The following UMPS variants were observed in gnomAD, a reference collection of about 807,000 sequenced individuals.
UMPS encodes the protein uridine monophosphate synthetase.
Under a neutral mutation model 38.9 loss-of-function variants are expected in UMPS, and 21 were observed. The observed-to-expected ratio is 0.54, with a 90% confidence interval of 0.38 to 0.78. The LOEUF (loss-of-function observed/expected upper bound fraction) is 0.78. Among genes scored for constraint, UMPS ranks in the 30% least tolerant of loss-of-function variants. UMPS has a pLI of 0.00. For synonymous variants in UMPS, 208 were observed against 219.3 expected (o/e 0.95, Z 0.45); for missense variants, 533 against 591.6 (o/e 0.90, Z 1.03).
chr3:124,732,854 A>G lies in UMPS; in HGVS notation c.156+2227A>G, dbSNP rs566697385. On this transcript the variant is annotated intron_variant, in intron 1 of 5. Transcript: ENST00000232607. Reference sequence around the variant, plus strand: ...ACTTCTCACCATCCAGAATCTTGCTATGGTGTATCTTAGCAATGTGGAGAA... The same window carrying G: ...ACTTCTCACCATCCAGAATCTTGCTGTGGTGTATCTTAGCAATGTGGAGAA... 1.6e-3 allele frequency among the ~76,000 whole-genome samples: 236 copies of G among 152,246 alleles called. 4 individuals carry two copies. The highest frequency in any genetic ancestry group is 0.014 in the Middle Eastern group (4 of 294).
At chr3:124,742,530 T>C (rs2063564139) in intron 5 of UMPS, 1 of 492,600 alleles carries the variant, frequency 2.0e-6, no homozygotes, top group Non-Finnish European at 3.6e-6. Flanking sequence ...TGTAGAATAT[T>C]TAACACAATG....
chr3:124,735,110 C>A lies in UMPS; in HGVS notation c.174C>A (p.Phe58Leu). Reference protein sequence around the residue: ...RLLSQVADILFQTAQNAGISF... With the variant: ...RLLSQVADILLQTAQNAGISF... ...TCTTACAGGTTGCAGATATTTTATT[C>A]CAAACTGCCCAAAATGCAGGCATCA... Residue 58 changes from phenylalanine (F) to leucine (L), a missense_variant, in exon 2 of 6, where the codon TTC becomes TTA. Physicochemically the swap from Phe to Leu is conservative, Grantham distance 22. Coordinates refer to ENST00000232607, the MANE Select transcript of UMPS (RefSeq NM_000373.4). The A allele has an allele frequency of 1.2e-6, 2 of 1,613,788 alleles. No homozygotes were observed. The highest frequency in any genetic ancestry group is 1.7e-6 in the Non-Finnish European group (2 of 1,179,810).
rs1431147371 is a variant in UMPS, at chr3:124,747,273, C to G, written c.*3189C>G. The G allele has an allele frequency of 2.2e-6, 1 of 454,438 alleles. No homozygotes were observed. Among genetic ancestry groups the G allele is most frequent in the South Asian group, 1.5e-5 (1 of 65,188 alleles). The allele number at this position is 454,438 out of a possible 1,614,324, so 28.2% of individuals were successfully genotyped here. ...GCCCGACAGCAGAGCCCACACCACTCCAGTTGCAGTGGTTGCCATCTGGGT... is the reference window on the plus strand; with the variant it reads ...GCCCGACAGCAGAGCCCACACCACTGCAGTTGCAGTGGTTGCCATCTGGGT... On this transcript the variant is annotated 3_prime_UTR_variant, in exon 6 of 6. Coordinates refer to ENST00000232607, the MANE Select transcript of UMPS (RefSeq NM_000373.4).
chr3:124,747,013 TTTTG>T lies in UMPS; in HGVS notation c.*2938_*2941del, dbSNP rs10631393. The T allele has an allele frequency of 4.4e-6, 2 of 453,466 alleles. No homozygotes were observed. The highest frequency in any genetic ancestry group is 8.8e-6 in the Non-Finnish European group (2 of 226,710). The allele number at this position is 453,466 out of a possible 1,614,324, so 28.1% of individuals were successfully genotyped here. A position where few individuals can be genotyped will look rare whatever the true frequency, so the allele number is the denominator to read the frequency against. On this transcript the variant is annotated 3_prime_UTR_variant, in exon 6 of 6. Coordinates refer to ENST00000232607, the MANE Select transcript of UMPS (RefSeq NM_000373.4). ...GGCCGAGGGCTGGTTTTTTGTTTTG[TTTTG>T]TTTGTTTGATACAGGGTCTTCACTC...
intron 3 of UMPS, 27 bp from the exon 4 acceptor site, chr3:124,739,997 A>G: frequency 1.9e-6 from 3 of 1,613,280 alleles, no homozygotes; most frequent in Middle Eastern, 1.7e-4. Flanking sequence ...AAAATCAGCA[A>G]ATATCTTTTT....
chr3:124,745,820 G>A lies in UMPS; in HGVS notation c.*1736G>A, dbSNP rs1253233639. The A allele has an allele frequency of 2.2e-6, 1 of 454,096 alleles. No individual in the cohort carries two copies. Among genetic ancestry groups the A allele is most frequent in the Non-Finnish European group, 4.4e-6 (1 of 226,792 alleles). 28.1% of individuals were successfully genotyped at this position (454,096 alleles called of 1,614,324 possible). The stretch of plus-strand genomic sequence containing the variant: ...TGTTGAGAGGCCTTTGGAGTGATGT[G>A]CTGAGGTCTCAGGCGCCCACCTCCC... On this transcript the variant is annotated 3_prime_UTR_variant, in exon 6 of 6. Transcript: ENST00000232607.
chr3:124,742,889 A>G (rs1275712151), intron 5 of UMPS, among the ~76,000 whole-genome samples: 2 of 152,116 alleles, frequency 1.3e-5, no homozygotes, highest in South Asian at 4.1e-4. Flanking sequence ...TTTTTTTGAT[A>G]TTGAACCTTT....
chr3:124,744,074 T>G lies in UMPS; in HGVS notation c.1433T>G (p.Leu478Arg). 2.5e-6 allele frequency: 4 copies of G among 1,614,048 alleles called. No individual in the cohort carries two copies. The highest frequency in any genetic ancestry group is 3.4e-6 in the Non-Finnish European group (4 of 1,179,954). Residue 478 changes from leucine to arginine, a missense_variant, in exon 6 of 6, where the codon CTT becomes CGT. Transcript: ENST00000232607. The stretch of plus-strand genomic sequence containing the variant: ...GCTTGGGAAGCGTATTTGAGTAGAC[T>G]TGGTGTTTGAGTGCTTCAGATACAT... ...KAAWEAYLSR[L>R]GV
At chr3:124,735,717 C>T (rs975443129) in intron 2 of UMPS, among the ~76,000 whole-genome samples, 3 of 152,256 alleles carry the variant, frequency 2.0e-5, no homozygotes, top group Admixed American at 6.5e-5. Context: ...TGGCTCACGC[C>T]TGTAATCCCA....
chr3:124,730,898 C>T (rs1481741737), intron 1 of UMPS, among the ~76,000 whole-genome samples: 1 of 152,182 alleles, frequency 6.6e-6, no homozygotes, highest in Non-Finnish European at 1.5e-5. Flanking sequence ...CACTGAAGCA[C>T]ACTTGAATGA....
In UMPS at chr3:124,744,639, G is replaced by A. The variant is rs746774355; in HGVS notation, c.*555G>A. On this transcript the variant is annotated 3_prime_UTR_variant, in exon 6 of 6. Transcript: ENST00000232607. ...TACCCAGGCTGGTCTCAACTCCTGG[G>A]CTCAAGCGATCCTCCTGCCTCAGTC... The A allele has an allele frequency of 4.0e-5, 18 of 453,828 alleles. No homozygotes were observed. The highest frequency in any genetic ancestry group is 2.8e-4 in the South Asian group (18 of 64,450). The allele number at this position is 453,828 out of a possible 1,614,324, so 28.1% of individuals were successfully genotyped here. A position where few individuals can be genotyped will look rare whatever the true frequency, so the allele number is the denominator to read the frequency against.
chr3:124,748,056 T>C lies in UMPS; in HGVS notation c.*3972T>C, dbSNP rs773176247. On this transcript the variant is annotated 3_prime_UTR_variant, in exon 6 of 6. Transcript: ENST00000232607. ...GAGAAAAATCAGGACTTGTTGGAGT[T>C]ATATTTTTAAAATATATATTTTAAC... 5.1e-5 allele frequency: 21 copies of C among 408,946 alleles called. 1 individual carries two copies. The highest frequency in any genetic ancestry group is 4.0e-4 in the South Asian group (21 of 52,222). 25.3% of individuals were successfully genotyped at this position (408,946 alleles called of 1,614,324 possible). A position where few individuals can be genotyped will look rare whatever the true frequency, so the allele number is the denominator to read the frequency against.
In UMPS at chr3:124,731,196, C is replaced by A. The variant is rs1388930967; in HGVS notation, c.156+569C>A. On this transcript the variant is annotated intron_variant, in intron 1 of 5. Coordinates refer to ENST00000232607, the MANE Select transcript of UMPS (RefSeq NM_000373.4). ...ACTCCAGCCTGGGCGACAAGTGAGACCCTGCCCTCAAAAAACAAACAAATA... is the reference window on the plus strand; with the variant it reads ...ACTCCAGCCTGGGCGACAAGTGAGAACCTGCCCTCAAAAAACAAACAAATA... Among the ~76,000 whole-genome samples, 5 of 145,162 alleles carry A rather than the reference C, an allele frequency of 3.4e-5. No homozygotes were observed. The East Asian group carries it at 6.4e-4, about 19-fold the overall frequency.
rs892413639 is a variant in UMPS, at chr3:124,740,054, A to T, written c.1013A>T (p.Asp338Val). ...GGIFKIASWA[D>V]LVNAHVVPGS... is the part of the protein sequence containing the mutation. ...ATCTTTAAAATAGCTTCCTGGGCAG[A>T]TCTAGTAAATGCTCACGTGGTGCCA... The change falls in exon 4 of 6, where the codon GAT becomes GTT. Residue 338 changes from aspartate to valine, a missense_variant. Coordinates refer to ENST00000232607, the MANE Select transcript of UMPS (RefSeq NM_000373.4). The T allele has an allele frequency of 1.2e-6, 2 of 1,614,128 alleles. No individual in the cohort carries two copies. Among genetic ancestry groups the T allele is most frequent in the Non-Finnish European group, 1.7e-6 (2 of 1,180,034 alleles).
Position 124,742,267 on chromosome 3 carries a change from G to A in UMPS, c.1273+1G>A. 3 of 1,610,336 alleles carry A rather than the reference G, an allele frequency of 1.9e-6. No homozygotes were observed. The highest frequency in any genetic ancestry group is 2.5e-6 in the Non-Finnish European group (3 of 1,176,516). On this transcript the variant is annotated splice_donor_variant, in intron 5 of 5. Coordinates refer to ENST00000232607, the MANE Select transcript of UMPS (RefSeq NM_000373.4). LOFTEE classifies it high-confidence loss of function. ...CCAGGAGTTCAGTTGGAAGCAGGAG[G>A]TAAATCTGGTCACTGGTCGTGGCTC...
Position 124,748,704 on chromosome 3 carries a change from C to G in UMPS, c.*4620C>G, listed in dbSNP as rs2063621931. The G allele has an allele frequency of 6.6e-6, 3 of 451,534 alleles. No homozygotes were observed. The highest frequency in any genetic ancestry group is 6.9e-5 in the East Asian group (1 of 14,396). The allele number at this position is 451,534 out of a possible 1,614,324, so 28.0% of individuals were successfully genotyped here. On this transcript the variant is annotated 3_prime_UTR_variant, in exon 6 of 6. Coordinates refer to ENST00000232607, the MANE Select transcript of UMPS (RefSeq NM_000373.4). ...CAGAGGAGGTCTGTGTCATGTTTTTCAGCGCTGGGGTTGGGGGGAGCCCAG... is the reference window on the plus strand; with the variant it reads ...CAGAGGAGGTCTGTGTCATGTTTTTGAGCGCTGGGGTTGGGGGGAGCCCAG...
At position 124,742,286 on chromosome 3, in the gene UMPS, G is replaced by C. The variant is rs1398162070; in HGVS notation, c.1273+20G>C. The C allele has an allele frequency of 6.3e-7, 1 of 1,578,236 alleles. No homozygotes were observed. The highest frequency in any genetic ancestry group is 1.1e-5 in the South Asian group (1 of 90,396). The stretch of plus-strand genomic sequence containing the variant: ...CAGGAGGTAAATCTGGTCACTGGTC[G>C]TGGCTCTTCCAAAAATGCTTCTTTA... On this transcript the variant is annotated intron_variant, in intron 5 of 5. Coordinates refer to ENST00000232607, the MANE Select transcript of UMPS (RefSeq NM_000373.4).
rs778372521 is a variant in UMPS at position 124,744,096 on chromosome 3, A to G, written c.*12A>G. 1.3e-5 allele frequency: 21 copies of G among 1,613,774 alleles called. No individual in the cohort carries two copies. Among genetic ancestry groups the G allele is most frequent in the Non-Finnish European group, 1.7e-5 (20 of 1,179,872 alleles). ...GACTTGGTGTTTGAGTGCTTCAGAT[A>G]CATTTTTCAGATACAATGTGAAGAC... On this transcript the variant is annotated 3_prime_UTR_variant, in exon 6 of 6. Coordinates refer to ENST00000232607, the MANE Select transcript of UMPS (RefSeq NM_000373.4).
rs530969618 is a variant in UMPS, at chr3:124,747,153, T to A, written c.*3069T>A. Reference sequence around the variant, plus strand: ...AAGTAGCTCTCAAGAGCCTCTCGAGTGGCTGGAACTACAGGCGTGCACCAC... The same window carrying A: ...AAGTAGCTCTCAAGAGCCTCTCGAGAGGCTGGAACTACAGGCGTGCACCAC... On this transcript the variant is annotated 3_prime_UTR_variant, in exon 6 of 6. Coordinates refer to ENST00000232607, the MANE Select transcript of UMPS (RefSeq NM_000373.4). 2 of 453,792 alleles carry A rather than the reference T, an allele frequency of 4.4e-6. No individual in the cohort carries two copies. The highest frequency in any genetic ancestry group is 8.8e-6 in the Non-Finnish European group (2 of 226,738). 28.1% of individuals were successfully genotyped at this position (453,792 alleles called of 1,614,324 possible). A position where few individuals can be genotyped will look rare whatever the true frequency, so the allele number is the denominator to read the frequency against.
Sources: allele counts gnomAD v4.1 joint callset (sites outside exome capture counted in the v4.1 genomes callset), GRCh38; gene constraint gnomAD v4.1.1; transcripts MANE v1.5; gene names NCBI Gene and HGNC (gene_info 2026-07-23, HGNC 2026-07-21).